TBC1D4: variants seen among roughly 807,000 people sequenced by gnomAD.
TBC1D4 encodes TBC (Tre-2, BUB2, CDC16) domain-containing protein.
A neutral mutation model predicts 142.5 loss-of-function variants in TBC1D4; 121 were observed. The ratio of observed to expected loss-of-function variants is 0.85; its 90% confidence interval spans 0.73 to 0.99. TBC1D4 has a LOEUF of 0.99. Among genes scored for constraint, TBC1D4 ranks in the 50% least tolerant of loss-of-function variants. TBC1D4 has a pLI of 0.00. For synonymous variants in TBC1D4, 630 were observed against 628.2 expected (o/e 1.00, Z -0.04); for missense variants, 1,475 against 1,606.6 (o/e 0.92, Z 1.40).
At chr13:75,323,980 A>C (rs1201905532) in intron 11 of TBC1D4, among the ~76,000 whole-genome samples, 1 of 152,116 alleles carries the variant, frequency 6.6e-6, no homozygotes, top group Non-Finnish European at 1.5e-5. Context: ...AGTTTGAGAA[A>C]ACGAAACACA....
chr13:75,444,370 C>G (rs536822795), intron 1 of TBC1D4, among the ~76,000 whole-genome samples: 278 of 152,182 alleles, frequency 1.8e-3, no homozygotes, highest in Middle Eastern at 6.8e-3. Context: ...TGAGCGATCG[C>G]CCCTCTTTGG....
At position 75,284,374 on chromosome 13, in the gene TBC1D4, C is replaced by A. The variant is rs1471611404; in HGVS notation, c.*2418G>T. On this transcript the variant is annotated 3_prime_UTR_variant, in exon 21 of 21. Coordinates refer to ENST00000377636, the MANE Select transcript of TBC1D4 (RefSeq NM_014832.5). The stretch of plus-strand genomic sequence containing the variant: ...GACTGTTTTCCTGCAACTAGACGAT[C>A]CCATCTGGGGATGATGGGAGACAGT... Among the ~76,000 whole-genome samples, 2 of 152,284 alleles carry A rather than the reference C, an allele frequency of 1.3e-5. No individual in the cohort carries two copies. Among genetic ancestry groups the A allele is most frequent in the East Asian group, 1.9e-4 (1 of 5,184 alleles).
chr13:75,337,295 T>C (rs1593750647), intron 7 of TBC1D4, among the ~76,000 whole-genome samples: 1 of 152,226 alleles, frequency 6.6e-6, no homozygotes, highest in Non-Finnish European at 1.5e-5. Flanking sequence ...AATACACTCC[T>C]ACTGCATTTA....
In TBC1D4 at chr13:75,289,090, A is replaced by G; in HGVS notation, c.3507T>C (p.Ser1169=). 3 of 1,613,848 alleles carry G rather than the reference A, an allele frequency of 1.9e-6. No homozygotes were observed. Among genetic ancestry groups the G allele is most frequent in the Non-Finnish European group, 2.5e-6 (3 of 1,179,832 alleles). Residue 1169 remains serine (S), a synonymous_variant, in exon 20 of 21, where the codon TCT becomes TCC. Coordinates refer to ENST00000377636, the MANE Select transcript of TBC1D4 (RefSeq NM_014832.5). ...CCACCTCATAGGCATGCAACTGCTTAGAAATATCCATCTCAAAAACCTGCC... is the reference window on the plus strand; with the variant it reads ...CCACCTCATAGGCATGCAACTGCTTGGAAATATCCATCTCAAAAACCTGCC... The part of the protein sequence containing the change: ...IITQVFEMDI[S]KQLHAYEVEY...
chr13:75,377,805 A>C (rs1359519482), intron 1 of TBC1D4, among the ~76,000 whole-genome samples: 2 of 151,396 alleles, frequency 1.3e-5, no homozygotes, highest in Non-Finnish European at 2.9e-5. Flanking sequence ...CTTTCTATCT[A>C]CCTATCTATC....
At position 75,285,540 on chromosome 13, in the gene TBC1D4, A is replaced by G. The variant is rs946443949; in HGVS notation, c.*1252T>C. On this transcript the variant is annotated 3_prime_UTR_variant, in exon 21 of 21. Coordinates refer to ENST00000377636, the MANE Select transcript of TBC1D4 (RefSeq NM_014832.5). ...TACCCAGCATGCGTGAATGTCATCT[A>G]ATGAGCTATTTGTAGGCTGAGGAAG... 1 of 152,640 alleles carries G rather than the reference A, an allele frequency of 6.6e-6. No individual in the cohort carries two copies. The highest frequency in any genetic ancestry group is 1.5e-5 in the Non-Finnish European group (1 of 68,028). The allele number at this position is 152,640 out of a possible 1,614,324, so 9.5% of individuals were successfully genotyped here.
intron 1 of TBC1D4, among the ~76,000 whole-genome samples, chr13:75,451,464 A>T (rs1441187456): frequency 6.7e-6 from 1 of 149,752 alleles, no homozygotes; most frequent in Non-Finnish European, 1.5e-5. Flanking sequence ...TTAAATATAT[A>T]ACATATATAT....
Position 75,284,935 on chromosome 13 carries a change from T to G in TBC1D4, c.*1857A>C, listed in dbSNP as rs1265805082. The G allele has an allele frequency of 6.6e-6, 1 of 152,128 alleles. No individual in the cohort carries two copies. Among genetic ancestry groups the G allele is most frequent in the Non-Finnish European group, 1.5e-5 (1 of 68,024 alleles). The allele number at this position is 152,128 out of a possible 1,614,324, so 9.4% of individuals were successfully genotyped here. A position where few individuals can be genotyped will look rare whatever the true frequency, so the allele number is the denominator to read the frequency against. On this transcript the variant is annotated 3_prime_UTR_variant, in exon 21 of 21. Coordinates refer to ENST00000377636, the MANE Select transcript of TBC1D4 (RefSeq NM_014832.5). ...AGAAAGAAAAGGTTTCTTTCCGAAC[T>G]TCCCCAACAGATTCCTTGGCTACCA...
Position 75,481,410 on chromosome 13 carries a change from C to G in TBC1D4, c.358G>C (p.Glu120Gln), listed in dbSNP as rs1212834873. 6.2e-7 allele frequency: 1 copy of G among 1,613,750 alleles called. No homozygotes were observed. The highest frequency in any genetic ancestry group is 8.5e-7 in the Non-Finnish European group (1 of 1,179,826). Residue 120 changes from glutamate to glutamine, a missense_variant, in exon 1 of 21, where the codon GAG becomes CAG. Coordinates refer to ENST00000377636, the MANE Select transcript of TBC1D4 (RefSeq NM_014832.5). Reference protein sequence around the residue: ...TQPNPAVFIFEHKAQHISRFI... With the variant: ...TQPNPAVFIFQHKAQHISRFI... ...CGCGAGATATGCTGCGCCTTGTGCT[C>G]GAAGATGAATACCGCCGGGTTGGGC...
Position 75,413,038 on chromosome 13 carries a change from TGGGCAA to T in TBC1D4, c.499-50437_499-50432del. On this transcript the variant is annotated intron_variant, in intron 1 of 20. Coordinates refer to ENST00000377636, the MANE Select transcript of TBC1D4 (RefSeq NM_014832.5). ...CCAGTGGGGGAAACAGACAAGAAAA[TGGGCAA>T]GTACAGTACAGTGTGATAAATGCCA... 2.0e-5 allele frequency among the ~76,000 whole-genome samples: 3 copies of T among 151,928 alleles called. No homozygotes were observed. The South Asian group carries it at 6.2e-4, about 32-fold the overall frequency.
At chr13:75,389,385 A>G (rs1884347953) in intron 1 of TBC1D4, among the ~76,000 whole-genome samples, 1 of 152,232 alleles carries the variant, frequency 6.6e-6, no homozygotes, top group Non-Finnish European at 1.5e-5. Context: ...TTTCAGATTA[A>G]AGTTAGGCCA....
chr13:75,425,084 T>C (rs933301458), intron 1 of TBC1D4, among the ~76,000 whole-genome samples: 1 of 151,974 alleles, frequency 6.6e-6, no homozygotes, highest in Non-Finnish European at 1.5e-5. Flanking sequence ...AAAATATATG[T>C]ATGCAAACCA....
chr13:75,424,288 G>A (rs1465548415), intron 1 of TBC1D4, among the ~76,000 whole-genome samples: 7 of 68,192 alleles, frequency 1.0e-4, no homozygotes, highest in East Asian at 3.9e-4. Context: ...AAAAAAAAAA[G>A]AAAGAAAGAA....
Position 75,341,157 on chromosome 13 carries a change from T to C in TBC1D4, c.1579A>G (p.Lys527Glu). The change falls in exon 7 of 21, where the codon AAG (lysine) becomes GAG (glutamate). Residue 527 changes from lysine (K) to glutamate (E), a missense_variant. Physicochemically the swap from Lys to Glu is moderately conservative, Grantham distance 56. Coordinates refer to ENST00000377636, the MANE Select transcript of TBC1D4 (RefSeq NM_014832.5). Reference sequence around the variant, plus strand: ...CCTTCCCCGATGTGCACGTGTGTCTTCTGCTTGGCTTCACACAGCTGCCTC... The same window carrying C: ...CCTTCCCCGATGTGCACGTGTGTCTCCTGCTTGGCTTCACACAGCTGCCTC... ...HLRQLCEAKQ[K>E]THVHIGEGPS... 2 of 1,613,536 alleles carry C rather than the reference T, an allele frequency of 1.2e-6. No individual in the cohort carries two copies. Among genetic ancestry groups the C allele is most frequent in the South Asian group, 2.2e-5 (2 of 90,990 alleles).
At chr13:75,335,882 A>G (rs1243287112) in intron 8 of TBC1D4, among the ~76,000 whole-genome samples, 1 of 152,198 alleles carries the variant, frequency 6.6e-6, no homozygotes, top group Non-Finnish European at 1.5e-5. Flanking sequence ...AGTTTCAGGT[A>G]TTTCTTTATA....
intron 12 of TBC1D4, among the ~76,000 whole-genome samples, chr13:75,313,266 AT>A (rs956680787): frequency 3.2e-4 from 48 of 152,358 alleles, no homozygotes; most frequent in African/African-American, 1.1e-3. Context: ...CAAGGTAAAT[AT>A]TCCATAAAAG....
intron 8 of TBC1D4, 59 bp from the exon 9 acceptor site, chr13:75,327,885 A>G: frequency 1.3e-6 from 2 of 1,562,202 alleles, no homozygotes; most frequent in Non-Finnish European, 1.8e-6. Flanking sequence ...CTTCAAAACT[A>G]TAAAAGGTAG....
intron 8 of TBC1D4, 86 bp from the exon 9 acceptor site, chr13:75,327,912 A>G (rs933995951): frequency 7.4e-7 from 1 of 1,345,264 alleles, no homozygotes. Flanking sequence ...GTGGTCTCTT[A>G]ATGTTAGCAT....
intron 1 of TBC1D4, among the ~76,000 whole-genome samples, chr13:75,450,325 T>A (rs960599208): frequency 6.6e-6 from 1 of 152,220 alleles, no homozygotes; most frequent in African/African-American, 2.4e-5. Context: ...AATAGCAACA[T>A]TCCTGACACG....
Sources: gnomAD v4.1 joint callset for allele counts (sites outside exome capture counted in the v4.1 genomes callset) on GRCh38, gnomAD v4.1.1 for gene constraint, MANE v1.5 for transcripts, NCBI Gene and HGNC (gene_info 2026-07-23, HGNC 2026-07-21) for gene names.